The following MDC1 variants were observed in gnomAD, a reference collection of about 807,000 sequenced individuals.
MDC1 encodes mediator of DNA damage checkpoint protein 1.
A neutral mutation model predicts 142.5 loss-of-function variants in MDC1; 81 were observed. The ratio of observed to expected loss-of-function variants is 0.57; its 90% CI spans 0.47 to 0.68. The LOEUF is 0.68. MDC1 is among the 30% of genes least tolerant of loss of function. The pLI is 0.00. For synonymous variants in MDC1, 797 were observed against 968.4 expected, an observed-to-expected ratio of 0.82 and a Z score of 3.29; for missense variants, 2,119 against 2,547.9, an observed-to-expected ratio of 0.83 and a Z score of 3.62.
chr6:30,701,984 C>T (rs190829174), intron 14 of MDC1, among the ~76,000 whole-genome samples: 138 of 151,740 alleles, frequency 9.1e-4, no homozygotes, highest in African/African-American at 3.1e-3. Flanking sequence ...AGGAAAAAGC[C>T]GGGCGCGGTG....
intron 7 of MDC1, among the ~76,000 whole-genome samples, chr6:30,708,855 CAAAAAAA>C: frequency 1.8e-5 from 1 of 55,236 alleles, no homozygotes; most frequent in Middle Eastern, 9.6e-3. Context: ...GACTCTGTCT[CAAAAAAA>C]AAAAAAAAAA....
Position 30,704,912 on chromosome 6 carries a change from A to T in MDC1, c.4271T>A (p.Val1424Asp). 2 of 1,604,196 alleles carry T rather than the reference A, an allele frequency of 1.2e-6. No homozygotes were observed. Among genetic ancestry groups the T allele is most frequent in the Non-Finnish European group, 1.7e-6 (2 of 1,175,748 alleles). Residue 1424 changes from valine (V) to aspartate (D), a missense_variant, in exon 10 of 15, where the codon GTC becomes GAC. Transcript: ENST00000376406. ...GGCCTGAGATGTGGGCTCAGGAGTGACAGGTTGGTCTGTGGAAGTGGAAGG... is the reference window on the plus strand; with the variant it reads ...GGCCTGAGATGTGGGCTCAGGAGTGTCAGGTTGGTCTGTGGAAGTGGAAGG... ...LEPSTSTDQP[V>D]TPEPTSQATR...
Position 30,714,833 on chromosome 6 carries a change from T to A in MDC1, c.136+207A>T, listed in dbSNP as rs189047904. Among the ~76,000 whole-genome samples the A allele has an allele frequency of 1.4e-4, 22 of 152,294 alleles. No individual in the cohort carries two copies. The East Asian group carries it at 4.0e-3, about 28-fold the overall frequency. ...ACCCAGCTTCATTTCAATCTCTTAA[T>A]TTTCTTTTATCAAAGTAAAATCACT... is the stretch of plus-strand genomic sequence containing the variant. On this transcript the variant is annotated intron_variant, in intron 2 of 14. Transcript: ENST00000376406.
At position 30,712,515 on chromosome 6, in the gene MDC1, T is replaced by A; in HGVS notation, c.1427A>T (p.Lys476Met). 1 of 1,613,050 alleles carries A rather than the reference T, an allele frequency of 6.2e-7. No individual in the cohort carries two copies. The highest frequency in any genetic ancestry group is 8.5e-7 in the Non-Finnish European group (1 of 1,180,032). ...ATGTGCTCTAACAAGGGCTCTAATC[T>A]TTGTGTGATCCTTGAGGACAGCTTC... ...NREAVLKDHT[K>M]IRALVRAHSE... is the part of the protein sequence containing the mutation. The change falls in exon 5 of 15, where the codon AAG becomes ATG. Residue 476 changes from lysine (K) to methionine (M), a missense_variant. By Grantham distance (95) the Lys-to-Met change is moderately conservative. Transcript: ENST00000376406. The surrounding 1 kb of genome is among the most constrained non-coding windows in gnomAD (Gnocchi z 4.7).
Position 30,705,008 on chromosome 6 carries a change from G to A in MDC1, c.4175C>T (p.Thr1392Ile), listed in dbSNP as rs1247164023. 6.2e-7 allele frequency: 1 copy of A among 1,610,138 alleles called. No homozygotes were observed. The highest frequency in any genetic ancestry group is 1.7e-5 in the Admixed American group (1 of 59,358). Residue 1392 changes from threonine to isoleucine, a missense_variant, in exon 10 of 15, where the codon ACT (threonine) becomes ATT (isoleucine). By Grantham distance (89) the Thr-to-Ile change is moderately conservative. Transcript: ENST00000376406. Reference protein sequence around the residue: ...PVTPEPTSRATRGRKNRSSGK... With the variant: ...PVTPEPTSRAIRGRKNRSSGK... The stretch of plus-strand genomic sequence containing the variant: ...AGAGGATCTATTTTTTCTTCCCCTA[G>A]TAGCCCGAGATGTGGGCTCAGGGGT...
chr6:30,700,902 C>CA (rs9281018), intron 14 of MDC1, among the ~76,000 whole-genome samples: 24,279 of 70,566 alleles, frequency 0.34, 3,449 homozygotes, highest in Non-Finnish European at 0.43. Context: ...ACTAAAAATA[C>CA]AAAAAAAAAA....
intron 14 of MDC1, among the ~76,000 whole-genome samples, chr6:30,702,280 A>AAG (rs1554186251): frequency 0.039 from 5,046 of 130,906 alleles, 94 homozygotes; most frequent in Non-Finnish European, 0.062. Flanking sequence ...AAAAAAAAAA[A>AAG]AGAAAATCAA....
In MDC1 at chr6:30,713,394, C is replaced by T. The variant is rs776084603; in HGVS notation, c.588-40G>A. On this transcript the variant is annotated intron_variant, in intron 4 of 14. Transcript: ENST00000376406. This position sits in a 1 kb window ranked among gnomAD's most constrained non-coding sequence, Gnocchi z 4.9. ...AAAGAGAGTCTATAGAATTTATTTC[C>T]CTGGAAGGGATACCCCAACTCAACT... 2.0e-6 allele frequency: 3 copies of T among 1,514,310 alleles called. No homozygotes were observed. Among genetic ancestry groups the T allele is most frequent in the Non-Finnish European group, 2.6e-6 (3 of 1,138,448 alleles). The allele number at this position is 1,514,310 out of a possible 1,614,324, so 93.8% of individuals were successfully genotyped here.
chr6:30,701,016 A>G (rs1772562525), intron 14 of MDC1, among the ~76,000 whole-genome samples: 1 of 148,078 alleles, frequency 6.8e-6, no homozygotes, highest in African/African-American at 2.5e-5. Flanking sequence ...CGGAGCTTGC[A>G]GTGAGCCGAG....
Position 30,715,114 on chromosome 6 carries a change from C to G in MDC1, c.62G>C (p.Ser21Thr), listed in dbSNP as rs2127727264. 6.2e-7 allele frequency: 1 copy of G among 1,614,204 alleles called. No homozygotes were observed. The highest frequency in any genetic ancestry group is 8.5e-7 in the Non-Finnish European group (1 of 1,180,026). ...VEEEEETEQS[S>T]ESLRCNVEPV... Reference sequence around the variant, plus strand: ...CTCCACGTTACACCTCAAGGATTCACTGGATTGCTCTGTCTCCTCCTCTTC... The same window carrying G: ...CTCCACGTTACACCTCAAGGATTCAGTGGATTGCTCTGTCTCCTCCTCTTC... The change falls in exon 2 of 15, where the codon AGT becomes ACT. Residue 21 changes from serine (S) to threonine (T), a missense_variant. Physicochemically the swap from Ser to Thr is moderately conservative, Grantham distance 58. Transcript: ENST00000376406. This position sits in a 1 kb window ranked among gnomAD's most constrained non-coding sequence, Gnocchi z 4.1.
At position 30,700,259 on chromosome 6, in the gene MDC1, G is replaced by A; in HGVS notation, c.*206C>T. ...CTATAAATACAAATAAAATAAAATG[G>A]CCATTAAAAAAACAAACAAACAAAC... On this transcript the variant is annotated 3_prime_UTR_variant, in exon 15 of 15. Transcript: ENST00000376406. The A allele has an allele frequency of 2.3e-6, 1 of 434,644 alleles. No individual in the cohort carries two copies. Among genetic ancestry groups the A allele is most frequent in the South Asian group, 8.1e-5 (1 of 12,280 alleles). The allele number at this position is 434,644 out of a possible 1,614,324, so 26.9% of individuals were successfully genotyped here. A position where few individuals can be genotyped will look rare whatever the true frequency, so the allele number is the denominator to read the frequency against.
chr6:30,712,944 G>A lies in MDC1; in HGVS notation c.998C>T (p.Ala333Val), dbSNP rs61748586. 9.6e-3 allele frequency: 15,521 copies of A among 1,612,946 alleles called. 114 individuals carry two copies. Among genetic ancestry groups the A allele is most frequent in the Middle Eastern group, 0.032 (192 of 6,062 alleles). ...PFGFIDSDTD[A>V]EEERIPATPV... ...GGTTGCTGGGATCCTCTCTTCTTCC[G>A]CATCAGTGTCGCTGTCGATGAAGCC... Residue 333 changes from alanine (A) to valine (V), a missense_variant, in exon 5 of 15, where the codon GCG (alanine) becomes GTG (valine). By Grantham distance (64) the Ala-to-Val change is moderately conservative (BLOSUM62 0). Coordinates refer to ENST00000376406, the MANE Select transcript of MDC1 (RefSeq NM_014641.3). The surrounding 1 kb of genome is among the most constrained non-coding windows in gnomAD (Gnocchi z 4.7).
chr6:30,707,845 T>C lies in MDC1; in HGVS notation c.2734A>G (p.Ser912Gly). Reference sequence around the variant, plus strand: ...TCTACTTCTCTCTCAAATGCTTTGCTTGGAAGGGTCTGCTTCTGTACTTGT... The same window carrying C: ...TCTACTTCTCTCTCAAATGCTTTGCCTGGAAGGGTCTGCTTCTGTACTTGT... ...EKQVQKQTLP[S>G]KAFEREVERP... The change falls in exon 8 of 15, where the codon AGC (serine) becomes GGC (glycine). Residue 912 changes from serine to glycine, a missense_variant. Transcript: ENST00000376406. The C allele has an allele frequency of 6.2e-7, 1 of 1,613,126 alleles. No individual in the cohort carries two copies. Among genetic ancestry groups the C allele is most frequent in the Non-Finnish European group, 8.5e-7 (1 of 1,180,046 alleles).
chr6:30,713,016 G>A lies in MDC1; in HGVS notation c.926C>T (p.Pro309Leu). The A allele has an allele frequency of 1.9e-6, 3 of 1,612,814 alleles. No individual in the cohort carries two copies. The highest frequency in any genetic ancestry group is 2.5e-6 in the Non-Finnish European group (3 of 1,179,826). ...SDTDVDDDSRPPGRPAEVHLE... is the reference protein window; with the variant it reads ...SDTDVDDDSRLPGRPAEVHLE... ...ATGGACCTCAGCTGGCCTTCCAGGA[G>A]GCCTGCTGTCATCATCCACATCTGT... The change falls in exon 5 of 15, where the codon CCT (proline) becomes CTT (leucine). Residue 309 changes from proline (P) to leucine (L), a missense_variant. Coordinates refer to ENST00000376406, the MANE Select transcript of MDC1 (RefSeq NM_014641.3). This position sits in a 1 kb window ranked among gnomAD's most constrained non-coding sequence, Gnocchi z 4.9.
chr6:30,700,446 GA>G lies in MDC1; in HGVS notation c.*18del, dbSNP rs772354979. 2 of 1,601,156 alleles carry G rather than the reference GA, an allele frequency of 1.2e-6. No homozygotes were observed. Among genetic ancestry groups the G allele is most frequent in the South Asian group, 1.1e-5 (1 of 90,732 alleles). On this transcript the variant is annotated 3_prime_UTR_variant, in exon 15 of 15. Transcript: ENST00000376406. Reference sequence around the variant, plus strand: ...ATCTTCTAATTCGTGGTCTGGGAGGGAAAAGGGTAGTGGAGTTCTCAGGTGG... The same window carrying G: ...ATCTTCTAATTCGTGGTCTGGGAGGGAAAGGGTAGTGGAGTTCTCAGGTGG...
chr6:30,707,451 A>G lies in MDC1; in HGVS notation c.3017T>C (p.Leu1006Pro). ...AGCAGGTGGCATCTTGCAATTCAGG[A>G]GGCCTAGACAGAAAGTAAACACAAA... ...PVSPRRHQKGLLNCKMPPAEK... is the reference protein window; with the variant it reads ...PVSPRRHQKGPLNCKMPPAEK... Residue 1006 changes from leucine (L) to proline (P), a missense_variant, in exon 9 of 15, where the codon CTC becomes CCC. Physicochemically the swap from Leu to Pro is moderately conservative, Grantham distance 98. Coordinates refer to ENST00000376406, the MANE Select transcript of MDC1 (RefSeq NM_014641.3). 1 of 1,613,114 alleles carries G rather than the reference A, an allele frequency of 6.2e-7. No individual in the cohort carries two copies. The highest frequency in any genetic ancestry group is 8.5e-7 in the Non-Finnish European group (1 of 1,180,044).
intron 14 of MDC1, among the ~76,000 whole-genome samples, chr6:30,701,224 A>T (rs1772619754): frequency 6.6e-6 from 1 of 151,914 alleles, no homozygotes; most frequent in Non-Finnish European, 1.5e-5. Context: ...AACATGGTGA[A>T]ACCCCGTCTT....
chr6:30,709,474 T>G lies in MDC1; in HGVS notation c.2222-1117A>C, dbSNP rs183114610. Reference sequence around the variant, plus strand: ...ATGTACAATGATAAAACCAAGATAATTGGGATATCCACTATCTCAAACATT... The same window carrying G: ...ATGTACAATGATAAAACCAAGATAAGTGGGATATCCACTATCTCAAACATT... On this transcript the variant is annotated intron_variant, in intron 7 of 14. Coordinates refer to ENST00000376406, the MANE Select transcript of MDC1 (RefSeq NM_014641.3). This position sits in a 1 kb window ranked among gnomAD's most constrained non-coding sequence, Gnocchi z 4.2. Among the ~76,000 whole-genome samples the G allele has an allele frequency of 6.6e-6, 1 of 152,252 alleles. No individual in the cohort carries two copies. Among genetic ancestry groups the G allele is most frequent in the African/African-American group, 2.4e-5 (1 of 41,466 alleles).
chr6:30,706,620 TAAAAAAA>T (rs9278748), intron 9 of MDC1, among the ~76,000 whole-genome samples: 1 of 42,806 alleles, frequency 2.3e-5, no homozygotes, highest in Admixed American at 3.5e-4. Context: ...AGACTCTGTC[TAAAAAAA>T]AAAAAAAAAA....
Sources: gnomAD v4.1 joint callset for allele counts (sites outside exome capture counted in the v4.1 genomes callset) on GRCh38, gnomAD v4.1.1 for gene constraint, Gnocchi (gnomAD v3.1) non-coding constraint, MANE v1.5 for transcripts, NCBI Gene and HGNC (gene_info 2026-07-23, HGNC 2026-07-21) for gene names.